Variants in KLHL20 observed in about 807,000 individuals in gnomAD.
KLHL20 encodes the protein kelch-like protein 20.
KLHL20 carries 29 observed loss-of-function variants against 69.5 expected under a neutral mutation model. That is an observed-to-expected ratio of 0.42 (90% CI 0.31 to 0.57). KLHL20 has a LOEUF of 0.57. KLHL20 is among the 20% of genes least tolerant of loss of function. KLHL20 has a pLI of 0.18. For missense variants in KLHL20, 419 were observed against 776.0 expected (o/e 0.54, Z 5.47); for synonymous variants, 253 against 265.2 (o/e 0.95, Z 0.45).
chr1:173,716,128 A>T, intron 2 of KLHL20, 62 bp downstream of exon 2: 4 of 1,528,860 alleles, frequency 2.6e-6, no homozygotes, highest in Non-Finnish European at 3.6e-6. Context: ...TAATAATTTA[A>T]ATTTTTAAAA....
intron 10 of KLHL20, among the ~76,000 whole-genome samples, chr1:173,780,257 C>G (rs973932924): frequency 6.6e-6 from 1 of 152,068 alleles, no homozygotes; most frequent in African/African-American, 2.4e-5. Context: ...TGGCATGATT[C>G]CTCTCCTTAA....
chr1:173,750,170 C>T (rs907148337), intron 3 of KLHL20, among the ~76,000 whole-genome samples: 2 of 152,134 alleles, frequency 1.3e-5, no homozygotes, highest in African/African-American at 4.8e-5. Flanking sequence ...AAGTCTCTCA[C>T]TCAGATGGTT....
intron 5 of KLHL20, among the ~76,000 whole-genome samples, chr1:173,755,059 CTTT>C (rs372616022): frequency 6.0e-5 from 8 of 133,530 alleles, no homozygotes; most frequent in Non-Finnish European, 3.2e-5. Context: ...AAGTCTTTGT[CTTT>C]TTTTTTTTTT....
intron 7 of KLHL20, among the ~76,000 whole-genome samples, chr1:173,765,733 G>A (rs903101866): frequency 1.3e-5 from 2 of 151,914 alleles, no homozygotes; most frequent in Non-Finnish European, 1.5e-5. Flanking sequence ...CTCAAAAAAC[G>A]TTGAGGGAAA....
chr1:173,749,520 G>A (rs1430605479), intron 3 of KLHL20, among the ~76,000 whole-genome samples: 1 of 152,090 alleles, frequency 6.6e-6, no homozygotes, highest in Non-Finnish European at 1.5e-5. Context: ...TGCCCAAATG[G>A]CATATCATTA....
chr1:173,774,217 T>C, intron 8 of KLHL20, 88 bp from the exon 9 acceptor site: 1 of 1,472,158 alleles, frequency 6.8e-7, no homozygotes, highest in East Asian at 2.3e-5. Flanking sequence ...GTCCGTGTAC[T>C]CAGTATATCG....
chr1:173,719,628 A>G (rs1671627649), intron 2 of KLHL20, among the ~76,000 whole-genome samples: 1 of 152,134 alleles, frequency 6.6e-6, no homozygotes, highest in Non-Finnish European at 1.5e-5. Flanking sequence ...AAAAAAAAAA[A>G]AGAATAAATT....
chr1:173,722,839 G>A (rs1178098061), intron 2 of KLHL20, among the ~76,000 whole-genome samples: 8 of 151,858 alleles, frequency 5.3e-5, no homozygotes, highest in African/African-American at 7.3e-5. Context: ...ACAGGCATGC[G>A]CCACCACATC....
At chr1:173,773,430 A>G (rs1648234721) in intron 8 of KLHL20, among the ~76,000 whole-genome samples, 1 of 149,596 alleles carries the variant, frequency 6.7e-6, no homozygotes, top group African/African-American at 2.4e-5. Flanking sequence ...ATAAATAAAT[A>G]TTAATTAAAT....
At chr1:173,727,954 G>A (rs540045084) in intron 2 of KLHL20, among the ~76,000 whole-genome samples, 3 of 143,314 alleles carry the variant, frequency 2.1e-5, no homozygotes, top group African/African-American at 7.3e-5. Flanking sequence ...ACACAGACTG[G>A]CAAATTGGAT....
chr1:173,785,832 C>A lies in KLHL20; in HGVS notation c.*585C>A, dbSNP rs1649173646. On this transcript the variant is annotated 3_prime_UTR_variant, in exon 12 of 12. Coordinates refer to ENST00000209884, the MANE Select transcript of KLHL20 (RefSeq NM_014458.4). ...GAAGGGATACTAAATCAATAAAAACCAGGACTCAGACACTACAGTTTTCAT... is the reference window on the plus strand; with the variant it reads ...GAAGGGATACTAAATCAATAAAAACAAGGACTCAGACACTACAGTTTTCAT... 1 of 151,672 alleles carries A rather than the reference C, an allele frequency of 6.6e-6. No homozygotes were observed. Among genetic ancestry groups the A allele is most frequent in the South Asian group, 2.1e-4 (1 of 4,816 alleles). The allele number at this position is 151,672 out of a possible 1,614,324, so 9.4% of individuals were successfully genotyped here.
intron 8 of KLHL20, 106 bp downstream of exon 8, chr1:173,766,395 A>C (rs989783708): frequency 1.6e-4 from 160 of 1,013,380 alleles, no homozygotes; most frequent in Non-Finnish European, 3.6e-5. Flanking sequence ...CTGTAATCCT[A>C]GCACTTTGGA....
At position 173,782,214 on chromosome 1, in the gene KLHL20, G is replaced by C; in HGVS notation, c.1729G>C (p.Asp577His). 2 of 1,613,214 alleles carry C rather than the reference G, an allele frequency of 1.2e-6. No individual in the cohort carries two copies. The highest frequency in any genetic ancestry group is 1.7e-6 in the Non-Finnish European group (2 of 1,179,236). Residue 577 changes from aspartate to histidine, a missense_variant, in exon 11 of 12, where the codon GAT (aspartate) becomes CAT (histidine). Physicochemically the swap from Asp to His is moderately conservative, Grantham distance 81. Around this residue, in one of 6 missense-constraint regions of KLHL20, gnomAD observed 79 missense variants for 154.4 expected, o/e 0.51. Transcript: ENST00000209884. Reference sequence around the variant, plus strand: ...GAAGACCATAGAAGTTTTTGATCCTGATGCCAATACATGGAGGTAACTTTT... The same window carrying C: ...GAAGACCATAGAAGTTTTTGATCCTCATGCCAATACATGGAGGTAACTTTT... ...YLKTIEVFDP[D>H]ANTWRLYGGM...
intron 3 of KLHL20, chr1:173,741,821 T>A (rs967335793): frequency 6.3e-7 from 1 of 1,582,822 alleles, no homozygotes. Flanking sequence ...TCTTTAGCCA[T>A]GCACAAACTG....
chr1:173,745,320 G>C (rs1260300899), intron 3 of KLHL20, among the ~76,000 whole-genome samples: 3 of 151,070 alleles, frequency 2.0e-5, no homozygotes, highest in African/African-American at 7.3e-5. Flanking sequence ...GCACCACCAG[G>C]CCTGGCTAAT....
At chr1:173,724,533 A>G (rs1476292641) in intron 2 of KLHL20, among the ~76,000 whole-genome samples, 1 of 152,228 alleles carries the variant, frequency 6.6e-6, no homozygotes, top group African/African-American at 2.4e-5. Context: ...TGTTTATATA[A>G]TGTGATCATA....
intron 2 of KLHL20, among the ~76,000 whole-genome samples, chr1:173,717,299 A>G (rs924401032): frequency 1.2e-4 from 19 of 152,216 alleles, no homozygotes; most frequent in Non-Finnish European, 8.8e-5. Context: ...TCTATATAAA[A>G]TATTTGCTTA....
intron 3 of KLHL20, 28 bp downstream of exon 3, chr1:173,734,314 C>G (rs750992620): frequency 1.2e-5 from 19 of 1,592,388 alleles, no homozygotes; most frequent in African/African-American, 2.7e-5. Context: ...TTCCAATGCA[C>G]CCATTTGTTG....
chr1:173,730,917 A>G (rs1167617735), intron 2 of KLHL20, among the ~76,000 whole-genome samples: 3 of 152,202 alleles, frequency 2.0e-5, no homozygotes, highest in African/African-American at 4.8e-5. Context: ...AGAAACTACC[A>G]TCAGAGTAAA....
Sources: allele counts gnomAD v4.1 joint callset (sites outside exome capture counted in the v4.1 genomes callset), GRCh38; gene constraint gnomAD v4.1.1; regional missense constraint gnomAD v4.1.1; transcripts MANE v1.5; gene names NCBI Gene and HGNC (gene_info 2026-07-23, HGNC 2026-07-21).